The following PIGQ variants were observed in gnomAD, a reference collection of about 807,000 sequenced individuals.
PIGQ encodes phosphatidylinositol glycan anchor biosynthesis class Q.
In PIGQ, 54 loss-of-function variants were observed where a neutral mutation model predicts 60.3. The observed-to-expected ratio is 0.90, with a 90% confidence interval of 0.72 to 1.12. The LOEUF (loss-of-function observed/expected upper bound fraction) is 1.12, where lower values mean the gene tolerates loss of function less well. Ranked by LOEUF, PIGQ falls within the 50% of genes most tolerant of loss-of-function variation. The pLI is 0.00. For synonymous variants in PIGQ, 416 were observed against 363.7 expected (o/e 1.14, Z -1.64); for missense variants, 799 against 793.5 (o/e 1.01, Z -0.08).
chr16:583,927 G>A lies in PIGQ; in HGVS notation c.*892G>A, dbSNP rs867005779. The A allele has an allele frequency of 4.2e-5, 20 of 474,156 alleles. No homozygotes were observed. Among genetic ancestry groups the A allele is most frequent in the African/African-American group, 3.3e-4 (17 of 50,948 alleles). 29.4% of individuals were successfully genotyped at this position (474,156 alleles called of 1,614,324 possible). A position where few individuals can be genotyped will look rare whatever the true frequency, so the allele number is the denominator to read the frequency against. The stretch of plus-strand genomic sequence containing the variant: ...CACGGTCTGGGTGCGGGTGTTCCCT[G>A]TGAGCCCGAGTCCGCTTCAGGAGGG... On this transcript the variant is annotated 3_prime_UTR_variant, in exon 11 of 11. Transcript: ENST00000321878.
Position 576,146 on chromosome 16 carries a change from G to A in PIGQ, c.834G>A (p.Thr278=), listed in dbSNP as rs1485150328. 5.2e-6 allele frequency: 8 copies of A among 1,548,614 alleles called. No homozygotes were observed. Among genetic ancestry groups the A allele is most frequent in the South Asian group, 2.4e-5 (2 of 84,068 alleles). The stretch of plus-strand genomic sequence containing the variant: ...ACCTCCCTTCCAGGAAGGCCAACAC[G>A]GTGGCCTCTGTGCTGCTGGACGTGG... ...NPAQLMRKAN[T]VASVLLDVAL... The change falls in exon 4 of 11, where the codon ACG becomes ACA. Residue 278 remains threonine (T), a synonymous_variant. Coordinates refer to ENST00000321878, the MANE Select transcript of PIGQ (RefSeq NM_004204.5).
chr16:574,023 G>GGCA (rs780855708), intron 1 of PIGQ, 43 bp from the exon 2 acceptor site: 1 of 1,401,146 alleles, frequency 7.1e-7, no homozygotes, highest in South Asian at 1.3e-5. Context: ...ACGGTGGGGG[G>GGCA]GCAGCAGCAG....
Position 583,549 on chromosome 16 carries a change from C to G in PIGQ, c.*514C>G, listed in dbSNP as rs766848991. ...TCTGGGGGATTGAAGCAGTCGCTGA[C>G]CCCCGTCCCCAGCGGGCCCGGGCCC... On this transcript the variant is annotated 3_prime_UTR_variant, in exon 11 of 11. Coordinates refer to ENST00000321878, the MANE Select transcript of PIGQ (RefSeq NM_004204.5). 30 of 1,612,350 alleles carry G rather than the reference C, an allele frequency of 1.9e-5. No individual in the cohort carries two copies. In the South Asian group the frequency reaches 2.4e-4, roughly 13 times the overall value.
At chr16:571,084 T>TCTGCCTA (rs1286459469) in intron 1 of PIGQ, among the ~76,000 whole-genome samples, 4 of 6,556 alleles carry the variant, frequency 6.1e-4, no homozygotes, top group African/African-American at 1.8e-3. Flanking sequence ...TGTGTGTGTG[T>TCTGCCTA]GTGTGTGTGT....
chr16:571,804 G>A (rs1000457863), intron 1 of PIGQ, among the ~76,000 whole-genome samples: 1 of 152,024 alleles, frequency 6.6e-6, no homozygotes, highest in African/African-American at 2.4e-5. Context: ...TGTGATGGGC[G>A]TTTGCCCCAC....
Position 574,669 on chromosome 16 carries a change from A to G in PIGQ, c.595A>G (p.Ser199Gly). The G allele has an allele frequency of 1.2e-6, 2 of 1,607,426 alleles. No homozygotes were observed. Among genetic ancestry groups the G allele is most frequent in the Non-Finnish European group, 1.7e-6 (2 of 1,179,272 alleles). Residue 199 changes from serine (S) to glycine (G), a missense_variant, in exon 2 of 11, where the codon AGC becomes GGC. Coordinates refer to ENST00000321878, the MANE Select transcript of PIGQ (RefSeq NM_004204.5). ...SHWQSEGVEASILAELARRAS... is the reference protein window; with the variant it reads ...SHWQSEGVEAGILAELARRAS... ...CTGGCAGTCGGAGGGCGTGGAGGCC[A>G]GCATCCTCGCGGAGCTGGCCAGGCG...
Position 578,710 on chromosome 16 carries a change from C to T in PIGQ, c.1070-75C>T, listed in dbSNP as rs868349151. Reference sequence around the variant, plus strand: ...TGCCAGGCTACACGCACCTCATGTCCTGTGTGTGTGAGGGTTGTGCTGGGC... The same window carrying T: ...TGCCAGGCTACACGCACCTCATGTCTTGTGTGTGTGAGGGTTGTGCTGGGC... On this transcript the variant is annotated intron_variant, in intron 5 of 10. Coordinates refer to ENST00000321878, the MANE Select transcript of PIGQ (RefSeq NM_004204.5). 8.6e-5 allele frequency: 132 copies of T among 1,538,716 alleles called. No individual in the cohort carries two copies. The Middle Eastern group carries it at 4.3e-3, about 50-fold the overall frequency.
chr16:574,567 G>T lies in PIGQ; in HGVS notation c.493G>T (p.Val165Phe). 6.2e-7 allele frequency: 1 copy of T among 1,603,064 alleles called. No individual in the cohort carries two copies. Among genetic ancestry groups the T allele is most frequent in the South Asian group, 1.1e-5 (1 of 89,538 alleles). Residue 165 changes from valine (V) to phenylalanine (F), a missense_variant, in exon 2 of 11, where the codon GTC becomes TTC. Transcript: ENST00000321878. ...TGCCAGCACGGGGGGCCTGGCTGCC[G>T]TCTTCGACACGGTAGCACGCAGTGA... ...TTASTGGLAA[V>F]FDTVARSEVL...
At chr16:576,283 C>A in intron 4 of PIGQ, 29 bp downstream of exon 4, 1 of 1,547,258 alleles carries the variant, frequency 6.5e-7, no homozygotes, top group East Asian at 2.4e-5. Context: ...AGCCCGGTGT[C>A]CCGGGTGGGC....
rs866303899 is a variant in PIGQ at position 575,874 on chromosome 16, G to A, written c.725G>A (p.Ser242Asn). 2 of 1,572,420 alleles carry A rather than the reference G, an allele frequency of 1.3e-6. No homozygotes were observed. Among genetic ancestry groups the A allele is most frequent in the Non-Finnish European group, 8.6e-7 (1 of 1,157,960 alleles). ...FKLWPLSFLG[S>N]KLSTCEQLRH... ...CTCTGGCCCCTGTCCTTCCTCGGGA[G>A]CAAACTCTCCACGTGCGAACAGCTC... is the stretch of plus-strand genomic sequence containing the variant. The change falls in exon 3 of 11, where the codon AGC (serine) becomes AAC (asparagine). Residue 242 changes from serine (S) to asparagine (N), a missense_variant. Physicochemically the swap from Ser to Asn is conservative, Grantham distance 46. Transcript: ENST00000321878.
chr16:577,394 A>T (rs150352578), intron 4 of PIGQ, among the ~76,000 whole-genome samples: 4 of 151,862 alleles, frequency 2.6e-5, no homozygotes, highest in Admixed American at 6.6e-5. Flanking sequence ...TGGCTAACAC[A>T]GTGAAATCCC....
chr16:577,092 A>AG (rs892262754), intron 4 of PIGQ: 65 of 151,966 alleles, frequency 4.3e-4, no homozygotes, highest in African/African-American at 1.4e-3. Context: ...AGAAGGAAGG[A>AG]GGGGCGGGGC....
At chr16:572,574 G>A (rs1271575816) in intron 1 of PIGQ, 1 of 447,636 alleles carries the variant, frequency 2.2e-6, no homozygotes, top group South Asian at 1.6e-5. Flanking sequence ...TAAGGATGTG[G>A]TGGGCTCTGA....
chr16:584,037 T>A lies in PIGQ; in HGVS notation c.*1002T>A. 1 of 325,760 alleles carries A rather than the reference T, an allele frequency of 3.1e-6. No individual in the cohort carries two copies. The allele number at this position is 325,760 out of a possible 1,614,324, so 20.2% of individuals were successfully genotyped here. On this transcript the variant is annotated 3_prime_UTR_variant, in exon 11 of 11. Coordinates refer to ENST00000321878, the MANE Select transcript of PIGQ (RefSeq NM_004204.5). ...CCATCTCAGCAGCACCAGGACTGCCTGGGACTCCCTGGCAACCCAGCACCG... is the reference window on the plus strand; with the variant it reads ...CCATCTCAGCAGCACCAGGACTGCCAGGGACTCCCTGGCAACCCAGCACCG...
At chr16:582,564 C>A (rs1182805021) in intron 10 of PIGQ, 4 of 570,416 alleles carry the variant, frequency 7.0e-6, no homozygotes, top group Non-Finnish European at 1.2e-5. Context: ...GCTGGGGCTG[C>A]CCTGGGCCCC....
chr16:579,026 C>CG (rs2035769886), intron 6 of PIGQ, 43 bp from the exon 7 acceptor site: 17 of 224,258 alleles, frequency 7.6e-5, no homozygotes, highest in South Asian at 4.2e-4. Context: ...GGGGGCGGGG[C>CG]GGGGCGGGGC....
chr16:572,971 G>C (rs1040119718), intron 1 of PIGQ, among the ~76,000 whole-genome samples: 1 of 152,252 alleles, frequency 6.6e-6, no homozygotes, highest in African/African-American at 2.4e-5. Flanking sequence ...GCGAGATGGG[G>C]CTTTCTGTGT....
chr16:570,013 C>T lies in PIGQ; in HGVS notation c.-93C>T, dbSNP rs919241091. 6.7e-6 allele frequency: 1 copy of T among 149,434 alleles called. No individual in the cohort carries two copies. The highest frequency in any genetic ancestry group is 1.5e-5 in the Non-Finnish European group (1 of 66,938). 9.3% of individuals were successfully genotyped at this position (149,434 alleles called of 1,614,324 possible). On this transcript the variant is annotated 5_prime_UTR_variant, in exon 1 of 11. Coordinates refer to ENST00000321878, the MANE Select transcript of PIGQ (RefSeq NM_004204.5). ...GCGGCGGGGCTGGAGGCAGCGAGCG[C>T]CGTCGTCTGCCCGGGCCCGCCCATC... is the stretch of plus-strand genomic sequence containing the variant.
At chr16:580,688 C>G in intron 8 of PIGQ, 170 bp from the exon 9 acceptor site, 1 of 641,144 alleles carries the variant, frequency 1.6e-6, no homozygotes, top group African/African-American at 1.8e-5. Context: ...CAGCTTTGCT[C>G]CAGAGCAAGG....
Sources: gnomAD v4.1 joint callset for allele counts (sites outside exome capture counted in the v4.1 genomes callset) on GRCh38, gnomAD v4.1.1 for gene constraint, MANE v1.5 for transcripts, NCBI Gene and HGNC (gene_info 2026-07-23, HGNC 2026-07-21) for gene names.